The following TMEM108 variants were observed in gnomAD, a reference collection of about 807,000 sequenced individuals.
TMEM108 encodes the protein transmembrane protein 108.
A neutral mutation model predicts 35.1 loss-of-function variants in TMEM108; 12 were observed. The ratio of observed to expected loss-of-function variants is 0.34; its 90% CI spans 0.22 to 0.55. The LOEUF is 0.55. Among genes scored for constraint, TMEM108 ranks in the 20% least tolerant of loss-of-function variants. TMEM108 has a pLI of 0.89. For synonymous variants in TMEM108, 287 were observed against 308.6 expected (o/e 0.93, Z 0.73); for missense variants, 680 against 753.3 (o/e 0.90, Z 1.14).
chr3:133,235,294 A>T (rs564096578), intron 3 of TMEM108, among the ~76,000 whole-genome samples: 1 of 152,274 alleles, frequency 6.6e-6, no homozygotes, highest in East Asian at 1.9e-4. Flanking sequence ...TGCATCACCA[A>T]GTCAATCCTA....
intron 3 of TMEM108, among the ~76,000 whole-genome samples, chr3:133,344,655 A>G (rs2071762203): frequency 6.6e-6 from 1 of 151,884 alleles, no homozygotes; most frequent in Admixed American, 6.6e-5. Flanking sequence ...TGAATTATCC[A>G]GTAGTTGATT....
At chr3:133,145,794 G>A (rs914127643) in intron 2 of TMEM108, among the ~76,000 whole-genome samples, 1 of 152,170 alleles carries the variant, frequency 6.6e-6, no homozygotes, top group African/African-American at 2.4e-5. Context: ...AGGAATGCTT[G>A]TGATTTTTGC....
intron 3 of TMEM108, among the ~76,000 whole-genome samples, chr3:133,304,068 T>C (rs1947267796): frequency 6.6e-6 from 1 of 152,210 alleles, no homozygotes; most frequent in Admixed American, 6.5e-5. Flanking sequence ...ATCTGCAAAA[T>C]GGGAATAATT....
At chr3:133,110,934 A>G (rs971062336) in intron 2 of TMEM108, among the ~76,000 whole-genome samples, 15 of 152,168 alleles carry the variant, frequency 9.9e-5, no homozygotes, top group African/African-American at 3.1e-4. Flanking sequence ...TTTGACAGCC[A>G]TTGTCCTAAG....
At chr3:133,226,910 G>GTC (rs1946079746) in intron 2 of TMEM108, among the ~76,000 whole-genome samples, 1 of 152,148 alleles carries the variant, frequency 6.6e-6, no homozygotes, top group East Asian at 1.9e-4. Flanking sequence ...GGAGGCAAGG[G>GTC]AGGAGCAAGT....
intron 2 of TMEM108, among the ~76,000 whole-genome samples, chr3:133,051,379 G>C (rs539824868): frequency 1.3e-5 from 2 of 151,930 alleles, no homozygotes; most frequent in Non-Finnish European, 2.9e-5. Flanking sequence ...TCTTACTGTC[G>C]ACTTTTAAGT....
chr3:133,266,972 C>A (rs970161076), intron 3 of TMEM108, among the ~76,000 whole-genome samples: 2 of 148,264 alleles, frequency 1.3e-5, no homozygotes. Context: ...CCCAGCTACT[C>A]GGGAGGCTGA....
chr3:133,305,887 C>T (rs941701744), intron 3 of TMEM108, among the ~76,000 whole-genome samples: 3 of 152,104 alleles, frequency 2.0e-5, no homozygotes, highest in Middle Eastern at 3.4e-3. Flanking sequence ...CGTCTTCTTT[C>T]GCGACATGTC....
chr3:133,039,260 G>GT (rs1559812928), intron 1 of TMEM108, among the ~76,000 whole-genome samples: 3 of 152,170 alleles, frequency 2.0e-5, no homozygotes, highest in African/African-American at 4.8e-5. Flanking sequence ...GAAGATAGGG[G>GT]TTTTTTTCGG....
At chr3:133,340,499 C>CT (rs1279394878) in intron 3 of TMEM108, among the ~76,000 whole-genome samples, 1 of 151,628 alleles carries the variant, frequency 6.6e-6, no homozygotes, top group African/African-American at 2.4e-5. Context: ...TAAAGAACAA[C>CT]TAATACCAAT....
chr3:133,383,561 A>AG (rs2073068744), intron 4 of TMEM108, among the ~76,000 whole-genome samples: 1 of 152,192 alleles, frequency 6.6e-6, no homozygotes, highest in East Asian at 1.9e-4. Context: ...TGCAATTCTA[A>AG]AAGAACTCCT....
intron 3 of TMEM108, among the ~76,000 whole-genome samples, chr3:133,306,169 G>A (rs951778339): frequency 6.6e-6 from 1 of 151,978 alleles, no homozygotes; most frequent in African/African-American, 2.4e-5. Context: ...TCTCATTTTT[G>A]ACAACTCTGC....
chr3:133,089,279 G>A (rs1325300112), intron 2 of TMEM108, among the ~76,000 whole-genome samples: 1 of 152,156 alleles, frequency 6.6e-6, no homozygotes, highest in Non-Finnish European at 1.5e-5. Context: ...GCACAGGGAG[G>A]CATGGGAAGG....
chr3:133,366,385 T>G (rs116535986), intron 3 of TMEM108, among the ~76,000 whole-genome samples: 2 of 152,224 alleles, frequency 1.3e-5, no homozygotes, highest in Non-Finnish European at 2.9e-5. Flanking sequence ...TAAATGTTTG[T>G]TGAATATGTA....
intron 3 of TMEM108, among the ~76,000 whole-genome samples, chr3:133,262,192 T>C (rs1330166484): frequency 2.6e-5 from 4 of 152,214 alleles, no homozygotes. Context: ...GTGTCTTATC[T>C]GCCTGTGGAC....
chr3:133,098,436 C>T (rs1170901280), intron 2 of TMEM108, among the ~76,000 whole-genome samples: 1 of 152,144 alleles, frequency 6.6e-6, no homozygotes. Context: ...TCATTTTGCC[C>T]TTGGCCCCTC....
chr3:133,238,148 C>G lies in TMEM108; in HGVS notation c.40+8797C>G, dbSNP rs77177706. Among the ~76,000 whole-genome samples, 529 of 152,198 alleles carry G rather than the reference C, an allele frequency of 3.5e-3. 4 individuals are homozygous for G. The highest frequency in any genetic ancestry group is 0.012 in the African/African-American group (496 of 41,542). Reference sequence around the variant, plus strand: ...ACACACATACACCACACAATTCTACCCAATAGACAAACACAGTGTGTTCCA... The same window carrying G: ...ACACACATACACCACACAATTCTACGCAATAGACAAACACAGTGTGTTCCA... On this transcript the variant is annotated intron_variant, in intron 3 of 5. Transcript: ENST00000321871.
At chr3:133,068,364 G>T (rs1341886535) in intron 2 of TMEM108, among the ~76,000 whole-genome samples, 1 of 152,048 alleles carries the variant, frequency 6.6e-6, no homozygotes, top group Non-Finnish European at 1.5e-5. Flanking sequence ...CAGCACTTCG[G>T]GCCAAGAGGT....
At chr3:133,236,581 T>C (rs556313493) in intron 3 of TMEM108, among the ~76,000 whole-genome samples, 1 of 152,200 alleles carries the variant, frequency 6.6e-6, no homozygotes, top group East Asian at 1.9e-4. Context: ...TATTTTCTGA[T>C]GGGATGATCT....
Sources: gnomAD v4.1 joint callset for allele counts (sites outside exome capture counted in the v4.1 genomes callset) on GRCh38, gnomAD v4.1.1 for gene constraint, MANE v1.5 for transcripts, NCBI Gene and HGNC (gene_info 2026-07-23, HGNC 2026-07-21) for gene names.